The following TMPRSS13 variants were observed in gnomAD, a reference collection of about 807,000 sequenced individuals.
TMPRSS13 encodes transmembrane serine protease 13, also known as transmembrane protease serine 13.
TMPRSS13 carries 50 observed loss-of-function variants against 68.4 expected under a neutral mutation model. The observed-to-expected ratio is 0.73, with a 90% CI of 0.58 to 0.93. TMPRSS13 has a LOEUF of 0.93. Among genes scored for constraint, TMPRSS13 ranks in the 40% least tolerant of loss-of-function variants. The pLI, the probability that TMPRSS13 is intolerant of heterozygous loss-of-function variation, is 0.00. For missense variants in TMPRSS13, 615 were observed against 729.2 expected (o/e 0.84, Z 1.80); for synonymous variants, 267 against 285.8 (o/e 0.93, Z 0.66).
At chr11:117,902,967 G>A (rs2057422826) in intron 12 of TMPRSS13, 1 of 1,016,850 alleles carries the variant, frequency 9.8e-7, no homozygotes, top group African/African-American at 1.7e-5. Flanking sequence ...ACACTGAAGG[G>A]TCTGTGGTTC....
rs544551385 is a variant in TMPRSS13, at chr11:117,914,552, C to A, written c.557-38G>T. On this transcript the variant is annotated intron_variant, in intron 3 of 12. Transcript: ENST00000524993. This position sits in a 1 kb window ranked among gnomAD's most constrained non-coding sequence, Gnocchi z 4.2. ...AAGCAGACAGCTGGGTCATGGCCAG[C>A]CCCACTGAGATGAGACACTGAGCAG... is the stretch of plus-strand genomic sequence containing the variant. 1.9e-6 allele frequency: 3 copies of A among 1,610,702 alleles called. No individual in the cohort carries two copies. The South Asian group carries it at 3.3e-5, about 18-fold the overall frequency.
chr11:117,902,229 G>A lies in TMPRSS13; in HGVS notation c.*10C>T, dbSNP rs200194986. On this transcript the variant is annotated 3_prime_UTR_variant, in exon 13 of 13. Coordinates refer to ENST00000524993, the MANE Select transcript of TMPRSS13 (RefSeq NM_001077263.3). Reference sequence around the variant, plus strand: ...GCAGCCGGTGCTGTGCAGAGCAGCAGGCCAGCTGGTTAGGATTTTCTGAAT... The same window carrying A: ...GCAGCCGGTGCTGTGCAGAGCAGCAAGCCAGCTGGTTAGGATTTTCTGAAT... 11 of 1,613,242 alleles carry A rather than the reference G, an allele frequency of 6.8e-6. No individual in the cohort carries two copies. Among genetic ancestry groups the A allele is most frequent in the Non-Finnish European group, 7.6e-6 (9 of 1,179,862 alleles).
In TMPRSS13 at chr11:117,913,996, C is replaced by T. The variant is rs181746505; in HGVS notation, c.680-90G>A. ...TGAGCTGAGTGAGGCTTTGAGAAAGCGCTTGTCCTGACAGCACTCCTTGCT... is the reference window on the plus strand; with the variant it reads ...TGAGCTGAGTGAGGCTTTGAGAAAGTGCTTGTCCTGACAGCACTCCTTGCT... On this transcript the variant is annotated intron_variant, in intron 4 of 12. Coordinates refer to ENST00000524993, the MANE Select transcript of TMPRSS13 (RefSeq NM_001077263.3). The T allele has an allele frequency of 1.4e-4, 215 of 1,491,040 alleles. 2 individuals are homozygous for T. The highest frequency in any genetic ancestry group is 1.3e-3 in the South Asian group (102 of 80,516). 92.4% of individuals were successfully genotyped at this position (1,491,040 alleles called of 1,614,324 possible).
chr11:117,906,790 T>C (rs2057468720), intron 9 of TMPRSS13, among the ~76,000 whole-genome samples: 1 of 152,206 alleles, frequency 6.6e-6, no homozygotes, highest in African/African-American at 2.4e-5. Flanking sequence ...TGATCCATCG[T>C]TAGATATTTC....
chr11:117,903,996 C>T lies in TMPRSS13; in HGVS notation c.1487G>A (p.Cys496Tyr). The T allele has an allele frequency of 6.2e-7, 1 of 1,613,258 alleles. No homozygotes were observed. The highest frequency in any genetic ancestry group is 1.1e-5 in the South Asian group (1 of 90,752). The change falls in exon 11 of 13, where the codon TGT becomes TAT. Residue 496 changes from cysteine to tyrosine, a missense_variant. Coordinates refer to ENST00000524993, the MANE Select transcript of TMPRSS13 (RefSeq NM_001077263.3). ...TCTGCCCCCACGAAGGTCCCCAGCA[C>T]ACATCATCCTTGGGGTAAGGTAACT... The part of the protein sequence containing the change: ...YDSYLTPRMM[C>Y]AGDLRGGRDS...
At chr11:117,913,651 T>C in intron 5 of TMPRSS13, 126 bp downstream of exon 5, 1 of 1,229,544 alleles carries the variant, frequency 8.1e-7, no homozygotes, top group South Asian at 1.5e-5. Flanking sequence ...TGTCCAGAGC[T>C]AGTGAGATCA....
intron 1 of TMPRSS13, among the ~76,000 whole-genome samples, chr11:117,921,710 T>G (rs1302856320): frequency 6.6e-6 from 1 of 152,162 alleles, no homozygotes; most frequent in Admixed American, 6.5e-5. Flanking sequence ...TCTGGGGGTA[T>G]CTAGCTCTGG....
In TMPRSS13 at chr11:117,922,275, G is replaced by T. The variant is rs893266065; in HGVS notation, c.22-3437C>A. 6.6e-6 allele frequency among the ~76,000 whole-genome samples: 1 copy of T among 152,008 alleles called. No homozygotes were observed. Among genetic ancestry groups the T allele is most frequent in the Non-Finnish European group, 1.5e-5 (1 of 68,000 alleles). On this transcript the variant is annotated intron_variant, in intron 1 of 12. Coordinates refer to ENST00000524993, the MANE Select transcript of TMPRSS13 (RefSeq NM_001077263.3). The surrounding 1 kb of genome is among the most constrained non-coding windows in gnomAD (Gnocchi z 4.2). ...CTTTGAGACAGAGTCTCACTCTGTCGCCAGGCTGGAGTACAGTGGCGTGAT... is the reference window on the plus strand; with the variant it reads ...CTTTGAGACAGAGTCTCACTCTGTCTCCAGGCTGGAGTACAGTGGCGTGAT...
At position 117,908,636 on chromosome 11, in the gene TMPRSS13, G is replaced by GCC; in HGVS notation, c.1256_1257dup (p.Leu420GlyfsTer6). Reference sequence around the variant, plus strand: ...CCGGACAGGGTCAGGGGCTTGGACAGCCGCATGAGGGCGATGTCATAGTCG... The same window carrying GCC: ...CCGGACAGGGTCAGGGGCTTGGACAGCCCCGCATGAGGGCGATGTCATAGTCG... On this transcript the variant is annotated frameshift_variant, in exon 9 of 13. Coordinates refer to ENST00000524993, the MANE Select transcript of TMPRSS13 (RefSeq NM_001077263.3). LOFTEE classifies it high-confidence loss of function. 1 of 1,569,358 alleles carries GCC rather than the reference G, an allele frequency of 6.4e-7. No individual in the cohort carries two copies. The highest frequency in any genetic ancestry group is 8.6e-7 in the Non-Finnish European group (1 of 1,157,394).
Position 117,929,282 on chromosome 11 carries a change from C to G in TMPRSS13, c.21+5G>C. On this transcript the variant is annotated splice_donor_5th_base_variant and intron_variant, in intron 1 of 12. Transcript: ENST00000524993. ...ATCTGGCCCGAGGCCTGAGGTCACA[C>G]TCACCCCGTGGCTGTCCCTCTCCAT... 6.2e-7 allele frequency: 1 copy of G among 1,604,630 alleles called. No homozygotes were observed. The highest frequency in any genetic ancestry group is 8.5e-7 in the Non-Finnish European group (1 of 1,175,980).
intron 10 of TMPRSS13, among the ~76,000 whole-genome samples, chr11:117,904,946 T>C (rs1223577989): frequency 2.1e-5 from 3 of 144,012 alleles, no homozygotes; most frequent in African/African-American, 7.6e-5. Context: ...CAGGCTAGAG[T>C]GCAGTGGCAT....
In TMPRSS13 at chr11:117,902,243, G is replaced by A. The variant is rs1408176573; in HGVS notation, c.1700C>T (p.Ser567Phe). ...KMESEVRFRK[S>F] Reference sequence around the variant, plus strand: ...GCAGAGCAGCAGGCCAGCTGGTTAGGATTTTCTGAATCGCACCTCGCTCTG... The same window carrying A: ...GCAGAGCAGCAGGCCAGCTGGTTAGAATTTTCTGAATCGCACCTCGCTCTG... The change falls in exon 13 of 13, where the codon TCC becomes TTC. Residue 567 changes from serine to phenylalanine, a missense_variant. Ser to Phe is a radical substitution (Grantham distance 155). Coordinates refer to ENST00000524993, the MANE Select transcript of TMPRSS13 (RefSeq NM_001077263.3). 3 of 1,613,414 alleles carry A rather than the reference G, an allele frequency of 1.9e-6. No homozygotes were observed. The highest frequency in any genetic ancestry group is 2.5e-6 in the Non-Finnish European group (3 of 1,179,860).
At chr11:117,918,378 T>C in intron 2 of TMPRSS13, 31 bp downstream of exon 2, 7 of 1,603,718 alleles carry the variant, frequency 4.4e-6, no homozygotes, top group Non-Finnish European at 6.0e-6. Context: ...GCTTCCCATC[T>C]CTCGTGGCTT....
At position 117,914,558 on chromosome 11, in the gene TMPRSS13, T is replaced by C; in HGVS notation, c.557-44A>G. On this transcript the variant is annotated intron_variant, in intron 3 of 12. Coordinates refer to ENST00000524993, the MANE Select transcript of TMPRSS13 (RefSeq NM_001077263.3). This position sits in a 1 kb window ranked among gnomAD's most constrained non-coding sequence, Gnocchi z 4.2. ...ACAGCTGGGTCATGGCCAGCCCCAC[T>C]GAGATGAGACACTGAGCAGCCCAAG... 6.2e-7 allele frequency: 1 copy of C among 1,610,038 alleles called. No individual in the cohort carries two copies.
At chr11:117,902,920 A>G (rs758465138) in intron 12 of TMPRSS13, 1 of 990,812 alleles carries the variant, frequency 1.0e-6, no homozygotes, top group Non-Finnish European at 1.2e-6. Flanking sequence ...TCTAGGGTGG[A>G]TCAAGTATTC....
Position 117,909,907 on chromosome 11 carries a change from C to G in TMPRSS13, c.1008G>C (p.Lys336Asn), listed in dbSNP as rs766892428. 1 of 1,614,106 alleles carries G rather than the reference C, an allele frequency of 6.2e-7. No homozygotes were observed. ...AGTGCAGACTCACTTGCCAAGGCCACTTGCTATCCGAGGCCAGCGCCCCTC... is the reference window on the plus strand; with the variant it reads ...AGTGCAGACTCACTTGCCAAGGCCAGTTGCTATCCGAGGCCAGCGCCCCTC... ...IVGGALASDS[K>N]WPWQVSLHFG... The change falls in exon 8 of 13, where the codon AAG becomes AAC. Residue 336 changes from lysine to asparagine, a missense_variant. By Grantham distance (94) the Lys-to-Asn change is moderately conservative. Transcript: ENST00000524993.
At position 117,905,703 on chromosome 11, in the gene TMPRSS13, C is replaced by A. The variant is rs2057457875; in HGVS notation, c.1316G>T (p.Gly439Val). ...HIHPACLPMH[G>V]QTFSLNETCW... Reference sequence around the variant, plus strand: ...GGTCTCATTGAGGCTAAAGGTCTGTCCATGCATGGGGAGGCAAGCAGGGTG... The same window carrying A: ...GGTCTCATTGAGGCTAAAGGTCTGTACATGCATGGGGAGGCAAGCAGGGTG... The change falls in exon 10 of 13, where the codon GGA (glycine) becomes GTA (valine). Residue 439 changes from glycine (G) to valine (V), a missense_variant. Gly to Val is a moderately radical substitution (Grantham distance 109, BLOSUM62 -3). Transcript: ENST00000524993. The A allele has an allele frequency of 1.2e-6, 2 of 1,605,334 alleles. No homozygotes were observed. Among genetic ancestry groups the A allele is most frequent in the South Asian group, 1.1e-5 (1 of 89,316 alleles).
chr11:117,923,743 G>A, intron 1 of TMPRSS13, among the ~76,000 whole-genome samples: 1 of 149,170 alleles, frequency 6.7e-6, no homozygotes. Flanking sequence ...TAAAGGACGA[G>A]TTAATGGGTG....
Position 117,902,077 on chromosome 11 carries a change from C to CAA in TMPRSS13, c.*161_*162insTT. ...GAGTGGCAATGCACACATATGCACA[C>CAA]ACACACACACACACACACACACACA... is the stretch of plus-strand genomic sequence containing the variant. On this transcript the variant is annotated 3_prime_UTR_variant, in exon 13 of 13. Transcript: ENST00000524993. 2.0e-6 allele frequency: 1 copy of CAA among 490,324 alleles called. No homozygotes were observed. Among genetic ancestry groups the CAA allele is most frequent in the South Asian group, 2.3e-5 (1 of 43,096 alleles). The allele number at this position is 490,324 out of a possible 1,614,324, so 30.4% of individuals were successfully genotyped here.
Sources: allele counts gnomAD v4.1 joint callset (sites outside exome capture counted in the v4.1 genomes callset), GRCh38; gene constraint gnomAD v4.1.1; non-coding constraint Gnocchi (gnomAD v3.1); transcripts MANE v1.5; gene names NCBI Gene and HGNC (gene_info 2026-07-23, HGNC 2026-07-21).